The following LIMS1 variants were observed in gnomAD, a reference collection of about 807,000 sequenced individuals.
LIMS1 encodes LIM zinc finger domain containing 1, also known as LIM and senescent cell antigen-like-containing domain protein 1.
A neutral mutation model predicts 44.1 loss-of-function variants in LIMS1; 18 were observed. The ratio of observed to expected loss-of-function variants is 0.41; its 90% CI spans 0.28 to 0.61. The LOEUF (loss-of-function observed/expected upper bound fraction) is 0.61, where lower values mean the gene tolerates loss of function less well. LIMS1 is among the 20% of genes least tolerant of loss of function. The pLI is 0.32. For synonymous variants in LIMS1, 93 were observed against 149.1 expected (o/e 0.62, Z 2.74); for missense variants, 201 against 422.0 (o/e 0.48, Z 4.59).
At chr2:108,614,268 C>T (rs901481353) in intron 1 of LIMS1, among the ~76,000 whole-genome samples, 3 of 152,230 alleles carry the variant, frequency 2.0e-5, no homozygotes, top group Admixed American at 1.3e-4. Context: ...CTCCTCCACG[C>T]GAACTGCCCT....
chr2:108,595,656 G>A (rs943605520), intron 1 of LIMS1, among the ~76,000 whole-genome samples: 5 of 152,050 alleles, frequency 3.3e-5, no homozygotes, highest in African/African-American at 1.2e-4. Context: ...AGTCAACTGT[G>A]TACTAGGAAT....
intron 1 of LIMS1, among the ~76,000 whole-genome samples, chr2:108,642,002 A>G (rs1301272501): frequency 6.6e-6 from 1 of 152,196 alleles, no homozygotes; most frequent in Non-Finnish European, 1.5e-5. Flanking sequence ...ATGATAGTAG[A>G]AACAGTTCAT....
intron 1 of LIMS1, chr2:108,621,397 T>TGAG: frequency 6.4e-7 from 1 of 1,550,670 alleles, no homozygotes; most frequent in Non-Finnish European, 8.7e-7. Context: ...TTCAGGTCTC[T>TGAG]ACAGGAGAAG....
At chr2:108,574,044 C>CT (rs1685582526) in intron 1 of LIMS1, among the ~76,000 whole-genome samples, 1 of 151,900 alleles carries the variant, frequency 6.6e-6, no homozygotes, top group Non-Finnish European at 1.5e-5. Context: ...CCCCCTCCCC[C>CT]CCACCAAAAA....
chr2:108,660,320 T>A, intron 2 of LIMS1: 1 of 467,304 alleles, frequency 2.1e-6, no homozygotes, highest in East Asian at 7.0e-5. Flanking sequence ...GTGTCTATGT[T>A]CTTTTCTAAA....
At chr2:108,645,837 C>T (rs1690028234) in intron 1 of LIMS1, among the ~76,000 whole-genome samples, 1 of 151,202 alleles carries the variant, frequency 6.6e-6, no homozygotes, top group Non-Finnish European at 1.5e-5. Flanking sequence ...AAAAAAAACC[C>T]AGGAGTTGCA....
At chr2:108,611,824 A>C (rs909138518) in intron 1 of LIMS1, among the ~76,000 whole-genome samples, 7 of 135,242 alleles carry the variant, frequency 5.2e-5, no homozygotes, top group African/African-American at 1.8e-4. Flanking sequence ...GTTGCTGTGA[A>C]CCATGATCTA....
intron 5 of LIMS1, among the ~76,000 whole-genome samples, chr2:108,674,112 G>A (rs1432947513): frequency 6.6e-6 from 1 of 151,946 alleles, no homozygotes; most frequent in Non-Finnish European, 1.5e-5. Context: ...CAGATCACGA[G>A]GTCAGGAGAT....
At chr2:108,552,585 G>GGT (rs151262934) in intron 1 of LIMS1, among the ~76,000 whole-genome samples, 23,268 of 101,664 alleles carry the variant, frequency 0.23, 2,214 homozygotes, top group African/African-American at 0.31. Context: ...ATATATTTTG[G>GGT]GTGTGTGTGT....
rs994018450 is a variant in LIMS1 at position 108,662,129 on chromosome 2, A to G, written c.192+2365A>G. ...AGAAAAAGACAGGCTTTGTTTTTCC[A>G]GACATTTTCCTTATATCCCTGGCTT... On this transcript the variant is annotated intron_variant, in intron 2 of 9. Transcript: ENST00000544547. The G allele has an allele frequency of 3.7e-6, 6 of 1,608,474 alleles. No homozygotes were observed. The African/African-American group carries it at 8.0e-5, about 22-fold the overall frequency.
chr2:108,649,574 G>C (rs1438851026), intron 1 of LIMS1, among the ~76,000 whole-genome samples: 2 of 152,146 alleles, frequency 1.3e-5, no homozygotes, highest in African/African-American at 2.4e-5. Flanking sequence ...AACCACACCA[G>C]ATGCCTATCA....
intron 1 of LIMS1, among the ~76,000 whole-genome samples, chr2:108,537,912 G>A (rs1684194324): frequency 6.6e-6 from 1 of 152,260 alleles, no homozygotes; most frequent in African/African-American, 2.4e-5. Context: ...CAGGAGAGCC[G>A]AGCTTTACTC....
At chr2:108,598,365 A>G (rs761639260) in intron 1 of LIMS1, among the ~76,000 whole-genome samples, 4 of 152,202 alleles carry the variant, frequency 2.6e-5, no homozygotes, top group South Asian at 2.1e-4. Context: ...GTTGTTGTTG[A>G]CATAGCTTTA....
intron 1 of LIMS1, among the ~76,000 whole-genome samples, chr2:108,604,648 G>A: frequency 6.6e-6 from 1 of 152,118 alleles, no homozygotes; most frequent in Non-Finnish European, 1.5e-5. Context: ...TGGGTTTCTT[G>A]TAACTAGCAT....
chr2:108,649,660 A>G (rs1392345674), intron 1 of LIMS1, among the ~76,000 whole-genome samples: 1 of 152,240 alleles, frequency 6.6e-6, no homozygotes, highest in South Asian at 2.1e-4. Context: ...GGATGAGTTC[A>G]TGTCCTTTGC....
At chr2:108,534,541 G>T (rs1300321634) in exon 1 of LIMS1, 3 of 1,207,962 alleles carry the variant, frequency 2.5e-6, no homozygotes, top group Non-Finnish European at 3.1e-6. Flanking sequence ...GCTGAGAGAC[G>T]GCGGCGGCCG....
intron 1 of LIMS1, among the ~76,000 whole-genome samples, chr2:108,630,926 G>A (rs1036711816): frequency 6.6e-6 from 1 of 152,198 alleles, no homozygotes; most frequent in Admixed American, 6.5e-5. Context: ...GTTAGAAAGT[G>A]AAAATGGTAA....
intron 7 of LIMS1, 141 bp downstream of exon 7, chr2:108,676,839 CAG>C (rs1221302142): frequency 1.4e-6 from 1 of 733,164 alleles, no homozygotes; most frequent in East Asian, 3.0e-5. Context: ...GAAATAATTT[CAG>C]ACTCAGAAGC....
At chr2:108,594,102 A>T (rs543504814) in intron 1 of LIMS1, among the ~76,000 whole-genome samples, 17 of 152,338 alleles carry the variant, frequency 1.1e-4, no homozygotes, top group Admixed American at 2.0e-4. Flanking sequence ...TAATTTTAAT[A>T]ATTTATTAAT....
Sources: allele counts gnomAD v4.1 joint callset (sites outside exome capture counted in the v4.1 genomes callset), GRCh38; gene constraint gnomAD v4.1.1; transcripts MANE v1.5; gene names NCBI Gene and HGNC (gene_info 2026-07-23, HGNC 2026-07-21).